The following FRMD6 variants were observed in gnomAD, a reference collection of about 807,000 sequenced individuals.
FRMD6 encodes the protein FERM domain-containing protein 6.
A neutral mutation model predicts 73.2 loss-of-function variants in FRMD6; 37 were observed. The observed-to-expected ratio is 0.51, with a 90% CI of 0.39 to 0.66. The LOEUF (loss-of-function observed/expected upper bound fraction) is 0.66. Among genes scored for constraint, FRMD6 ranks in the 30% least tolerant of loss-of-function variants. The pLI, the probability that FRMD6 is intolerant of heterozygous loss-of-function variation, is 0.00. For synonymous variants in FRMD6, 273 were observed against 282.2 expected, an observed-to-expected ratio of 0.97 and a Z score of 0.33; for missense variants, 714 against 780.5, an observed-to-expected ratio of 0.91 and a Z score of 1.02.
chr14:51,480,935 C>T, the FRMD6 span, among the ~76,000 whole-genome samples: 9 of 152,152 alleles, frequency 5.9e-5, no homozygotes, highest in African/African-American at 2.2e-4. Flanking sequence ...AACATTGTAA[C>T]CCATTGTTCA....
chr14:51,592,833 A>G (rs1214461791), intron 2 of FRMD6, among the ~76,000 whole-genome samples: 2 of 152,236 alleles, frequency 1.3e-5, no homozygotes, highest in East Asian at 1.9e-4. Context: ...CTATTTTTAA[A>G]TGTTCATTTA....
At chr14:51,650,883 G>A (rs1456902173), upstream of FRMD6, 2 of 152,304 alleles carry the variant, frequency 1.3e-5, no homozygotes, top group Non-Finnish European at 2.9e-5. Flanking sequence ...AAAGTCAGAG[G>A]AAACCTAGAA....
intron 1 of FRMD6, among the ~76,000 whole-genome samples, chr14:51,656,653 C>T (rs1170852748): frequency 6.6e-6 from 1 of 152,164 alleles, no homozygotes; most frequent in Non-Finnish European, 1.5e-5. Context: ...ACCTTGTGAT[C>T]TGCCCGCCTC....
intron 4 of FRMD6, among the ~76,000 whole-genome samples, chr14:51,701,733 T>C (rs971371410): frequency 9.2e-5 from 14 of 151,546 alleles, no homozygotes; most frequent in Non-Finnish European, 1.3e-4. Context: ...ATAATAACTT[T>C]AGTAATCTTG....
chr14:51,460,692 A>G, the FRMD6 span, among the ~76,000 whole-genome samples: 3 of 152,190 alleles, frequency 2.0e-5, no homozygotes, highest in African/African-American at 7.2e-5. Context: ...CAGTTAAATT[A>G]TTAGTAAGAG....
At chr14:51,501,321 A>G (rs1883610415) in intron 1 of FRMD6, among the ~76,000 whole-genome samples, 1 of 152,158 alleles carries the variant, frequency 6.6e-6, no homozygotes, top group South Asian at 2.1e-4. Context: ...TCACCTAGGT[A>G]TTAAGCCCAG....
upstream of FRMD6, chr14:51,650,760 C>T (rs1275585840): frequency 1.3e-5 from 2 of 152,346 alleles, no homozygotes; most frequent in African/African-American, 4.8e-5. Context: ...GGTCCTGTTT[C>T]CTTGTCTCCT....
chr14:51,482,674 C>CTGTGTGCGTG, the FRMD6 span, among the ~76,000 whole-genome samples: 1 of 148,742 alleles, frequency 6.7e-6, no homozygotes, highest in Admixed American at 6.7e-5. Context: ...TTTGCAGGAA[C>CTGTGTGCGTG]TGTGTGTGTG....
rs368988180 is a variant in FRMD6 at position 51,682,234 on chromosome 14, C to A, written c.-146-7457C>A. Reference sequence around the variant, plus strand: ...AATAATAATTTACTATTATTTTAACCCAACCACCTAAATTTTTCAGCTACT... The same window carrying A: ...AATAATAATTTACTATTATTTTAACACAACCACCTAAATTTTTCAGCTACT... On this transcript the variant is annotated intron_variant, in intron 1 of 13. Transcript: ENST00000344768. Among the ~76,000 whole-genome samples the A allele has an allele frequency of 2.3e-4, 35 of 152,040 alleles. No homozygotes were observed. The East Asian group carries it at 4.1e-3, about 18-fold the overall frequency.
chr14:51,475,562 C>T, the FRMD6 span, among the ~76,000 whole-genome samples: 4 of 152,210 alleles, frequency 2.6e-5, no homozygotes, highest in Non-Finnish European at 4.4e-5. Context: ...TAGCATATTT[C>T]GTGGTTTCTC....
the FRMD6 span, among the ~76,000 whole-genome samples, chr14:51,420,567 C>G: frequency 6.6e-6 from 1 of 152,174 alleles, no homozygotes; most frequent in African/African-American, 2.4e-5. Flanking sequence ...ATTCAACCAA[C>G]CACATATCAA....
At chr14:51,647,245 A>C (rs916476838), upstream of FRMD6, among the ~76,000 whole-genome samples, 51 of 152,268 alleles carry the variant, frequency 3.3e-4, no homozygotes, top group African/African-American at 1.2e-3. Flanking sequence ...AATTGGGTAA[A>C]AGTAAATCTT....
intron 1 of FRMD6, among the ~76,000 whole-genome samples, chr14:51,659,180 A>C (rs918605616): frequency 1.3e-5 from 2 of 152,178 alleles, no homozygotes; most frequent in Non-Finnish European, 2.9e-5. Context: ...TGGGGAAGTT[A>C]CTTAACTCTC....
chr14:51,465,884 G>C, the FRMD6 span, among the ~76,000 whole-genome samples: 3 of 152,050 alleles, frequency 2.0e-5, no homozygotes, highest in African/African-American at 7.2e-5. Context: ...TAATCAAACT[G>C]CTCTCCAAAG....
intron 1 of FRMD6, among the ~76,000 whole-genome samples, chr14:51,673,835 T>C (rs1338061793): frequency 6.6e-6 from 1 of 152,226 alleles, no homozygotes; most frequent in Admixed American, 6.5e-5. Context: ...AGTTTGTAGA[T>C]TGTCCAGAGT....
At chr14:51,469,426 A>T in the FRMD6 span, among the ~76,000 whole-genome samples, 1 of 150,442 alleles carries the variant, frequency 6.6e-6, no homozygotes, top group African/African-American at 2.4e-5. Context: ...ATCCTGGCTA[A>T]CACGGTGAAA....
intron 1 of FRMD6, among the ~76,000 whole-genome samples, chr14:51,526,982 T>A (rs1252829627): frequency 2.0e-5 from 3 of 152,244 alleles, no homozygotes; most frequent in Non-Finnish European, 1.5e-5. Flanking sequence ...AGTATGGGAA[T>A]GATGTCCTAG....
intron 2 of FRMD6, among the ~76,000 whole-genome samples, chr14:51,587,534 G>C (rs889388817): frequency 3.3e-5 from 5 of 152,142 alleles, no homozygotes; most frequent in Non-Finnish European, 7.4e-5. Context: ...GCTGTTTCCC[G>C]TGGGGGTGTG....
chr14:51,416,479 A>C, the FRMD6 span, among the ~76,000 whole-genome samples: 1 of 152,172 alleles, frequency 6.6e-6, no homozygotes, highest in Admixed American at 6.5e-5. Flanking sequence ...GAGCTTCTTA[A>C]TCCTGAGTTC....
Sources: gnomAD v4.1 joint callset for allele counts (sites outside exome capture counted in the v4.1 genomes callset) on GRCh38, gnomAD v4.1.1 for gene constraint, MANE v1.5 for transcripts, NCBI Gene and HGNC (gene_info 2026-07-23, HGNC 2026-07-21) for gene names.